The following CFAP299 variants were observed in gnomAD, a reference collection of about 807,000 sequenced individuals.
CFAP299 encodes the protein cilia and flagella associated protein 299, also known as cilia- and flagella-associated protein 299.
A neutral mutation model predicts 27.0 loss-of-function variants in CFAP299; 21 were observed. That is an observed-to-expected ratio of 0.78 (90% CI 0.55 to 1.12). The LOEUF is 1.12. Among genes scored for constraint, CFAP299 ranks in the 50% most tolerant of loss-of-function variants. The probability of loss-of-function intolerance (pLI) is 0.00; values close to 1 mark genes in which losing one functional copy is unlikely to be tolerated. For missense variants in CFAP299, 310 were observed against 276.6 expected (o/e 1.12, Z -0.86); for synonymous variants, 104 against 98.1 (o/e 1.06, Z -0.36).
intron 2 of CFAP299, among the ~76,000 whole-genome samples, chr4:80,401,296 C>T (rs769212227): frequency 6.6e-6 from 1 of 152,170 alleles, no homozygotes; most frequent in Non-Finnish European, 1.5e-5. Context: ...CCAGGCCATG[C>T]CAGAGACCCT....
intron 3 of CFAP299, among the ~76,000 whole-genome samples, chr4:80,741,868 A>C (rs561201538): frequency 1.3e-5 from 2 of 152,240 alleles, no homozygotes; most frequent in East Asian, 3.9e-4. Flanking sequence ...AGTTCCAACC[A>C]CTGGGATGGA....
intron 3 of CFAP299, among the ~76,000 whole-genome samples, chr4:80,612,425 T>C (rs1041308899): frequency 2.6e-5 from 4 of 152,084 alleles, no homozygotes; most frequent in Non-Finnish European, 4.4e-5. Flanking sequence ...ATCAAATGGG[T>C]TCTGACATAT....
intron 2 of CFAP299, among the ~76,000 whole-genome samples, chr4:80,379,326 AATG>A (rs1158612305): frequency 2.6e-5 from 4 of 151,936 alleles, no homozygotes; most frequent in Non-Finnish European, 5.9e-5. Flanking sequence ...TATCAGTTTT[AATG>A]ATCTTTTTGA....
At chr4:80,927,601 G>A (rs1033626209) in intron 4 of CFAP299, among the ~76,000 whole-genome samples, 1 of 152,030 alleles carries the variant, frequency 6.6e-6, no homozygotes, top group African/African-American at 2.4e-5. Context: ...ATTTCTTTCC[G>A]GATGCTCTGG....
intron 2 of CFAP299, among the ~76,000 whole-genome samples, chr4:80,542,503 C>T (rs1156265505): frequency 1.3e-5 from 2 of 152,088 alleles, no homozygotes; most frequent in Non-Finnish European, 2.9e-5. Context: ...CACAGGGTTG[C>T]GGAGTACCAG....
At chr4:80,741,984 C>A (rs970081564) in intron 3 of CFAP299, among the ~76,000 whole-genome samples, 4 of 152,090 alleles carry the variant, frequency 2.6e-5, no homozygotes, top group African/African-American at 9.7e-5. Flanking sequence ...GCACTGAGTT[C>A]AATGTAAAGA....
intron 3 of CFAP299, among the ~76,000 whole-genome samples, chr4:80,759,990 C>T (rs985587000): frequency 6.6e-6 from 1 of 151,904 alleles, no homozygotes; most frequent in African/African-American, 2.4e-5. Context: ...TTTCTCTGGC[C>T]TTGGAAATGT....
chr4:80,826,365 T>A (rs567122623), intron 3 of CFAP299, among the ~76,000 whole-genome samples: 1 of 151,752 alleles, frequency 6.6e-6, no homozygotes. Context: ...AGTTTCTTCT[T>A]ATCAGTAATT....
intron 3 of CFAP299, among the ~76,000 whole-genome samples, chr4:80,694,853 A>G (rs1038655874): frequency 6.6e-6 from 1 of 152,244 alleles, no homozygotes; most frequent in Non-Finnish European, 1.5e-5. Context: ...AATTGTGCAG[A>G]ATGAATATAT....
intron 3 of CFAP299, among the ~76,000 whole-genome samples, chr4:80,732,263 GTTTGT>G (rs1282221383): frequency 9.3e-5 from 14 of 151,266 alleles, no homozygotes; most frequent in African/African-American, 3.4e-4. Context: ...TACTCTGGAA[GTTTGT>G]TTTAAGAATC....
In CFAP299 at chr4:80,848,088, G is replaced by A. The variant is rs574640319; in HGVS notation, c.334-21905G>A. On this transcript the variant is annotated intron_variant, in intron 3 of 5. Transcript: ENST00000358105. ...TAGCTGAGTGTGGTGGTGTGCTCCC[G>A]TAGTGCCAGCTACTCGGGAGGCTGA... 3.0e-4 allele frequency among the ~76,000 whole-genome samples: 45 copies of A among 151,886 alleles called. 1 individual carries two copies. Among genetic ancestry groups the A allele is most frequent in the African/African-American group, 9.2e-4 (38 of 41,402 alleles).
intron 3 of CFAP299, among the ~76,000 whole-genome samples, chr4:80,664,226 T>A (rs1018124807): frequency 6.6e-6 from 1 of 152,096 alleles, no homozygotes; most frequent in African/African-American, 2.4e-5. Flanking sequence ...GGAGTTTTTT[T>A]ATACCCACTT....
At chr4:80,621,700 A>T (rs896861478) in intron 3 of CFAP299, among the ~76,000 whole-genome samples, 1 of 152,150 alleles carries the variant, frequency 6.6e-6, no homozygotes, top group Non-Finnish European at 1.5e-5. Context: ...TATAAAAATA[A>T]TTATAAAAGT....
At chr4:80,524,849 C>A (rs1385946274) in intron 2 of CFAP299, among the ~76,000 whole-genome samples, 1 of 152,144 alleles carries the variant, frequency 6.6e-6, no homozygotes, top group Non-Finnish European at 1.5e-5. Context: ...CACAACTTAG[C>A]TGGTTCTCCT....
At chr4:80,807,045 G>A (rs1023477002) in intron 3 of CFAP299, among the ~76,000 whole-genome samples, 2 of 152,002 alleles carry the variant, frequency 1.3e-5, no homozygotes, top group Non-Finnish European at 2.9e-5. Flanking sequence ...GAAGCATGGT[G>A]GTTTACAGAT....
At chr4:80,465,310 G>A (rs111962274) in intron 2 of CFAP299, among the ~76,000 whole-genome samples, 1 of 152,124 alleles carries the variant, frequency 6.6e-6, no homozygotes, top group East Asian at 1.9e-4. Flanking sequence ...CTTCTAAACA[G>A]AACTACAGAC....
intron 3 of CFAP299, among the ~76,000 whole-genome samples, chr4:80,773,185 C>T (rs1197817383): frequency 6.6e-6 from 1 of 152,060 alleles, no homozygotes; most frequent in African/African-American, 2.4e-5. Context: ...TGGTAAAATT[C>T]TGGGAGATAT....
chr4:80,667,978 G>T (rs1200429514), intron 3 of CFAP299, among the ~76,000 whole-genome samples: 1 of 151,834 alleles, frequency 6.6e-6, no homozygotes, highest in African/African-American at 2.4e-5. Flanking sequence ...ATTCTTGTCA[G>T]CATTCGTTGT....
At chr4:80,435,007 G>C (rs1331023403) in intron 2 of CFAP299, among the ~76,000 whole-genome samples, 1 of 152,198 alleles carries the variant, frequency 6.6e-6, no homozygotes, top group Non-Finnish European at 1.5e-5. Flanking sequence ...GAGTTAGCTA[G>C]TATGCAAGTG....
Sources: gnomAD v4.1 joint callset for allele counts (sites outside exome capture counted in the v4.1 genomes callset) on GRCh38, gnomAD v4.1.1 for gene constraint, MANE v1.5 for transcripts, NCBI Gene and HGNC (gene_info 2026-07-23, HGNC 2026-07-21) for gene names.